Variants in RNF121 observed in about 807,000 individuals in gnomAD.
RNF121 encodes the protein ring finger protein 121.
RNF121 carries 21 observed loss-of-function variants against 46.5 expected under a neutral mutation model. The observed-to-expected ratio is 0.45, with a 90% CI of 0.32 to 0.65. The LOEUF (loss-of-function observed/expected upper bound fraction) is 0.65. Ranked by LOEUF, RNF121 falls within the 30% of genes least tolerant of loss-of-function variation. The pLI is 0.04. For synonymous variants in RNF121, 139 were observed against 144.7 expected, an observed-to-expected ratio of 0.96 and a Z score of 0.28; for missense variants, 346 against 416.0, an observed-to-expected ratio of 0.83 and a Z score of 1.46.
intron 1 of RNF121, among the ~76,000 whole-genome samples, chr11:71,934,648 G>A (rs1953358181): frequency 6.6e-6 from 1 of 152,208 alleles, no homozygotes; most frequent in South Asian, 2.1e-4. Flanking sequence ...ATATGTGACT[G>A]AAGTTTAGTC....
chr11:71,963,159 G>A lies in RNF121; in HGVS notation c.243+2268G>A, dbSNP rs148723803. Among the ~76,000 whole-genome samples, 13 of 152,238 alleles carry A rather than the reference G, an allele frequency of 8.5e-5. No individual in the cohort carries two copies. The East Asian group carries it at 2.5e-3, about 29-fold the overall frequency. On this transcript the variant is annotated intron_variant, in intron 3 of 8. Coordinates refer to ENST00000361756, the MANE Select transcript of RNF121 (RefSeq NM_018320.5). ...AATATTTCCTCACATTTTATCGGTT[G>A]TCTTGACACTTTATTGATAGTGTCC... is the stretch of plus-strand genomic sequence containing the variant.
intron 5 of RNF121, among the ~76,000 whole-genome samples, chr11:71,987,846 CA>C (rs1954798487): frequency 6.6e-6 from 1 of 152,144 alleles, no homozygotes; most frequent in Non-Finnish European, 1.5e-5. Context: ...ACAGTAGACT[CA>C]GAGCTTAGGT....
chr11:71,988,505 A>G (rs1954808797), intron 5 of RNF121, among the ~76,000 whole-genome samples: 1 of 152,040 alleles, frequency 6.6e-6, no homozygotes, highest in African/African-American at 2.4e-5. Context: ...ATTTTAGGAC[A>G]AGTAAAAATA....
chr11:71,932,984 C>T (rs1421248995), intron 1 of RNF121, among the ~76,000 whole-genome samples: 1 of 152,112 alleles, frequency 6.6e-6, no homozygotes, highest in African/African-American at 2.4e-5. Context: ...TTAAACTGGC[C>T]ATGATGACTG....
chr11:71,975,570 A>C (rs995956128), intron 3 of RNF121, among the ~76,000 whole-genome samples: 3 of 152,168 alleles, frequency 2.0e-5, no homozygotes, highest in African/African-American at 4.8e-5. Context: ...CCCTTACTCC[A>C]TTAAAGCACT....
At chr11:71,936,374 C>T (rs1036609457) in intron 1 of RNF121, among the ~76,000 whole-genome samples, 3 of 145,028 alleles carry the variant, frequency 2.1e-5, no homozygotes, top group Non-Finnish European at 3.0e-5. Flanking sequence ...CCCAGCTCAC[C>T]CTTGCTTTTT....
Position 71,997,154 on chromosome 11 carries a change from G to A in RNF121, c.*839G>A, listed in dbSNP as rs76430787. 3,854 of 152,296 alleles carry A rather than the reference G, an allele frequency of 0.025. 50 individuals are homozygous for A. Among genetic ancestry groups the A allele is most frequent in the East Asian group, 0.074 (383 of 5,180 alleles). 9.4% of individuals were successfully genotyped at this position (152,296 alleles called of 1,614,324 possible). On this transcript the variant is annotated 3_prime_UTR_variant, in exon 9 of 9. Transcript: ENST00000361756. ...CAGTGGAGTGGTGACACGTGCCAGC[G>A]GTCACTCTGCCACATCACTTCCTTC... is the stretch of plus-strand genomic sequence containing the variant.
chr11:71,951,578 A>G (rs1359126932), intron 1 of RNF121, among the ~76,000 whole-genome samples: 4 of 150,812 alleles, frequency 2.7e-5, no homozygotes, highest in Non-Finnish European at 5.9e-5. Context: ...ATGTACAATG[A>G]TCATGCCTGT....
At chr11:71,949,953 A>C (rs955115816) in intron 1 of RNF121, among the ~76,000 whole-genome samples, 4 of 152,010 alleles carry the variant, frequency 2.6e-5, no homozygotes, top group Non-Finnish European at 5.9e-5. Context: ...GTGAGCCAAG[A>C]TTGCGCCAGT....
intron 1 of RNF121, among the ~76,000 whole-genome samples, chr11:71,931,749 C>G (rs1258093981): frequency 6.6e-6 from 1 of 151,952 alleles, no homozygotes; most frequent in Non-Finnish European, 1.5e-5. Context: ...TAGGGGGAGT[C>G]AGTAAAGTCT....
At chr11:71,935,446 T>C (rs1010340530) in intron 1 of RNF121, among the ~76,000 whole-genome samples, 9 of 152,338 alleles carry the variant, frequency 5.9e-5, no homozygotes, top group South Asian at 4.1e-4. Context: ...TACTCTATAC[T>C]GTCCATCCTG....
At chr11:71,987,957 A>G (rs1347737579) in intron 5 of RNF121, among the ~76,000 whole-genome samples, 1 of 152,208 alleles carries the variant, frequency 6.6e-6, no homozygotes, top group East Asian at 1.9e-4. Context: ...CGCAGTCCAG[A>G]TGTGTTGTAC....
intron 6 of RNF121, among the ~76,000 whole-genome samples, chr11:71,991,345 TA>T (rs777831977): frequency 2.5e-4 from 38 of 152,232 alleles, no homozygotes; most frequent in Non-Finnish European, 4.3e-4. Flanking sequence ...ATTCAGTAGA[TA>T]CTTTTTAATG....
intron 3 of RNF121, among the ~76,000 whole-genome samples, chr11:71,964,680 G>C (rs1166145931): frequency 6.6e-6 from 1 of 152,206 alleles, no homozygotes. Flanking sequence ...GGTTTTGCCA[G>C]GTTGCCTAGG....
chr11:71,971,683 G>T (rs1326985388), intron 3 of RNF121, among the ~76,000 whole-genome samples: 2 of 152,190 alleles, frequency 1.3e-5, no homozygotes, highest in African/African-American at 4.8e-5. Flanking sequence ...GAAAAGAGAT[G>T]CTCAGAGTCA....
chr11:71,936,833 T>C (rs1448466606), intron 1 of RNF121, among the ~76,000 whole-genome samples: 1 of 150,872 alleles, frequency 6.6e-6, no homozygotes, highest in Non-Finnish European at 1.5e-5. Context: ...AATGCTTTAA[T>C]GCAGGGACTA....
intron 1 of RNF121, among the ~76,000 whole-genome samples, chr11:71,939,769 T>C (rs1195716247): frequency 6.6e-6 from 1 of 152,234 alleles, no homozygotes; most frequent in African/African-American, 2.4e-5. Flanking sequence ...ATTCATTATT[T>C]TCAAAAGTCA....
intron 4 of RNF121, among the ~76,000 whole-genome samples, chr11:71,986,761 T>C (rs1590812492): frequency 9.6e-6 from 1 of 104,578 alleles, no homozygotes; most frequent in African/African-American, 3.9e-5. Flanking sequence ...AGAGCGAGAC[T>C]CTCATCTCAA....
At chr11:71,935,304 G>A (rs1442457175) in intron 1 of RNF121, among the ~76,000 whole-genome samples, 1 of 152,150 alleles carries the variant, frequency 6.6e-6, no homozygotes, top group Non-Finnish European at 1.5e-5. Context: ...TCATTTTATA[G>A]ATGTGGAAGC....
Sources: allele counts gnomAD v4.1 joint callset (sites outside exome capture counted in the v4.1 genomes callset), GRCh38; gene constraint gnomAD v4.1.1; transcripts MANE v1.5; gene names NCBI Gene and HGNC (gene_info 2026-07-23, HGNC 2026-07-21).